Variants in PPP2R5E observed in about 807,000 individuals in gnomAD.
The protein encoded by PPP2R5E is protein phosphatase 2 regulatory subunit B'epsilon, also known as serine/threonine-protein phosphatase 2A 56 kDa regulatory subunit epsilon isoform.
PPP2R5E carries 4 observed loss-of-function variants against 65.3 expected under a neutral mutation model. The observed-to-expected ratio is 0.06, with a 90% CI of 0.03 to 0.14. The LOEUF is 0.14. Among genes scored for constraint, PPP2R5E ranks in the 10% least tolerant of loss-of-function variants. The pLI is 1.00. For synonymous variants in PPP2R5E, 183 were observed against 187.4 expected (o/e 0.98, Z 0.19); for missense variants, 274 against 556.1 (o/e 0.49, Z 5.10).
At chr14:63,420,100 AC>A (rs1220067914) in intron 4 of PPP2R5E, among the ~76,000 whole-genome samples, 5 of 152,236 alleles carry the variant, frequency 3.3e-5, no homozygotes, top group Non-Finnish European at 7.3e-5. Flanking sequence ...GGTTATCATG[AC>A]ATAGAATATT....
intron 3 of PPP2R5E, among the ~76,000 whole-genome samples, chr14:63,448,787 CAAAAAAAAAA>C (rs36096050): frequency 1.2e-5 from 1 of 86,610 alleles, no homozygotes. Context: ...AAGACTTCGT[CAAAAAAAAAA>C]AAAAAAAAAA....
intron 2 of PPP2R5E, among the ~76,000 whole-genome samples, chr14:63,533,934 G>C (rs970753031): frequency 6.6e-6 from 1 of 152,186 alleles, no homozygotes; most frequent in African/African-American, 2.4e-5. Context: ...GTGACAGAGC[G>C]AGACTCTGTC....
intron 2 of PPP2R5E, among the ~76,000 whole-genome samples, chr14:63,497,362 C>A (rs1410017199): frequency 6.6e-6 from 1 of 152,132 alleles, no homozygotes; most frequent in Non-Finnish European, 1.5e-5. Context: ...GCCACAATTA[C>A]TCTTTCTTGA....
At chr14:63,490,641 C>T (rs1257403928) in intron 2 of PPP2R5E, among the ~76,000 whole-genome samples, 2 of 151,992 alleles carry the variant, frequency 1.3e-5, no homozygotes, top group Non-Finnish European at 2.9e-5. Flanking sequence ...AAAATGCTCA[C>T]TATCACTAAT....
chr14:63,409,438 A>C (rs1886273782), intron 5 of PPP2R5E, among the ~76,000 whole-genome samples: 1 of 152,170 alleles, frequency 6.6e-6, no homozygotes, highest in Non-Finnish European at 1.5e-5. Context: ...AATTATTGGA[A>C]TCAAGAAAAA....
Position 63,397,410 on chromosome 14 carries a change from G to A in PPP2R5E, c.550-694C>T, listed in dbSNP as rs370541227. ...CCAGCTACTCAGAAGGCTGAGGCAGGAGAATCACCTGAACCCAGGAGGCAG... is the reference window on the plus strand; with the variant it reads ...CCAGCTACTCAGAAGGCTGAGGCAGAAGAATCACCTGAACCCAGGAGGCAG... On this transcript the variant is annotated intron_variant, in intron 5 of 13. Transcript: ENST00000337537. Among the ~76,000 whole-genome samples, 21 of 149,972 alleles carry A rather than the reference G, an allele frequency of 1.4e-4. No homozygotes were observed. The East Asian group carries it at 3.6e-3, about 26-fold the overall frequency.
intron 2 of PPP2R5E, among the ~76,000 whole-genome samples, chr14:63,516,087 G>A (rs1892660627): frequency 6.6e-6 from 1 of 151,954 alleles, no homozygotes; most frequent in South Asian, 2.1e-4. Flanking sequence ...CTGACCTTGT[G>A]ATCCGCCCAC....
intron 3 of PPP2R5E, among the ~76,000 whole-genome samples, chr14:63,426,791 C>G (rs952934644): frequency 6.6e-6 from 1 of 151,128 alleles, no homozygotes; most frequent in African/African-American, 2.4e-5. Flanking sequence ...AATGAATGAA[C>G]CAGTTTAACT....
At chr14:63,385,182 C>T (rs1028324872) in intron 11 of PPP2R5E, among the ~76,000 whole-genome samples, 16 of 152,076 alleles carry the variant, frequency 1.1e-4, no homozygotes, top group Admixed American at 3.9e-4. Flanking sequence ...AAAAATTAGC[C>T]GGGATTGGTG....
rs943775296 is a variant in PPP2R5E, at chr14:63,517,440, A to G, written c.157+22089T>C. Among the ~76,000 whole-genome samples, 6 of 135,224 alleles carry G rather than the reference A, an allele frequency of 4.4e-5. No homozygotes were observed. In the South Asian group the frequency reaches 6.6e-4, roughly 15 times the overall value. The allele number at this position is 135,224 out of a possible 152,430, so 88.7% of individuals were successfully genotyped here. A position where few individuals can be genotyped will look rare whatever the true frequency, so the allele number is the denominator to read the frequency against. The stretch of plus-strand genomic sequence containing the variant: ...TTTGAAATTTATTAACTATTTAGGT[A>G]CAAGAGTGGTCATTTAAGCACTATC... On this transcript the variant is annotated intron_variant, in intron 2 of 13. Transcript: ENST00000337537.
chr14:63,490,249 C>G (rs1891218464), intron 2 of PPP2R5E, among the ~76,000 whole-genome samples: 1 of 151,890 alleles, frequency 6.6e-6, no homozygotes, highest in Non-Finnish European at 1.5e-5. Flanking sequence ...AAACTCGACC[C>G]CTACACCTTT....
chr14:63,507,849 A>AT (rs1334290677), intron 2 of PPP2R5E, among the ~76,000 whole-genome samples: 1 of 152,160 alleles, frequency 6.6e-6, no homozygotes, highest in Non-Finnish European at 1.5e-5. Flanking sequence ...AAGTGCTGGG[A>AT]TTACAGGCGT....
At chr14:63,407,707 G>A (rs556736899) in intron 5 of PPP2R5E, among the ~76,000 whole-genome samples, 94 of 152,196 alleles carry the variant, frequency 6.2e-4, no homozygotes, top group African/African-American at 2.0e-3. Context: ...CCCAAAATTC[G>A]TGTGATAAAA....
At chr14:63,396,526 T>A (rs1300973865) in intron 6 of PPP2R5E, 60 bp downstream of exon 6, 12 of 1,578,516 alleles carry the variant, frequency 7.6e-6, no homozygotes, top group Non-Finnish European at 1.0e-5. Context: ...TGAGATTTAC[T>A]TAATACTCAT....
chr14:63,409,005 G>A (rs912964695), intron 5 of PPP2R5E, among the ~76,000 whole-genome samples: 1 of 152,192 alleles, frequency 6.6e-6, no homozygotes, highest in African/African-American at 2.4e-5. Context: ...GCCGAGGCAG[G>A]TGGATCACCT....
chr14:63,451,418 G>C (rs1158621370), intron 3 of PPP2R5E: 1 of 152,178 alleles, frequency 6.6e-6, no homozygotes, highest in Non-Finnish European at 1.5e-5. Flanking sequence ...AAGACATGAA[G>C]GAAACTTAAG....
intron 3 of PPP2R5E, among the ~76,000 whole-genome samples, chr14:63,431,762 C>A (rs572398461): frequency 6.6e-6 from 1 of 151,848 alleles, no homozygotes; most frequent in African/African-American, 2.4e-5. Context: ...TCTAGAAATC[C>A]GGAAGAGGAT....
intron 2 of PPP2R5E, among the ~76,000 whole-genome samples, chr14:63,502,181 C>G (rs997560397): frequency 2.0e-5 from 3 of 152,162 alleles, no homozygotes; most frequent in African/African-American, 7.2e-5. Flanking sequence ...AGATGTGAGC[C>G]ACTGCACCCA....
At chr14:63,538,683 AC>A (rs1893771423) in intron 2 of PPP2R5E, among the ~76,000 whole-genome samples, 1 of 151,378 alleles carries the variant, frequency 6.6e-6, no homozygotes, top group South Asian at 2.1e-4. Flanking sequence ...GGTGGCTCAC[AC>A]CTGTAATCCC....
Sources: gnomAD v4.1 joint callset for allele counts (sites outside exome capture counted in the v4.1 genomes callset) on GRCh38, gnomAD v4.1.1 for gene constraint, MANE v1.5 for transcripts, NCBI Gene and HGNC (gene_info 2026-07-23, HGNC 2026-07-21) for gene names.